Variants in FRAS1 observed in about 807,000 individuals in gnomAD.
FRAS1 encodes Fraser extracellular matrix complex subunit 1, also known as extracellular matrix organizing protein FRAS1.
A neutral mutation model predicts 435.2 loss-of-function variants in FRAS1; 290 were observed. The ratio of observed to expected loss-of-function variants is 0.67; its 90% CI spans 0.61 to 0.73. The LOEUF (loss-of-function observed/expected upper bound fraction) is 0.73, where lower values mean the gene tolerates loss of function less well. Among genes scored for constraint, FRAS1 ranks in the 30% least tolerant of loss-of-function variants. FRAS1 has a pLI of 0.00. For synonymous variants in FRAS1, 1,800 were observed against 1,851.0 expected, an observed-to-expected ratio of 0.97 and a Z score of 0.71; for missense variants, 4,860 against 5,001.5, an observed-to-expected ratio of 0.97 and a Z score of 0.85.
chr4:78,210,927 T>A (rs886482755), intron 2 of FRAS1, among the ~76,000 whole-genome samples: 1 of 152,208 alleles, frequency 6.6e-6, no homozygotes. Context: ...GGGCACCCCA[T>A]GTCCGCACCC....
chr4:78,213,089 C>T (rs2110087024), intron 2 of FRAS1, among the ~76,000 whole-genome samples: 1 of 152,330 alleles, frequency 6.6e-6, no homozygotes, highest in African/African-American at 2.4e-5. Context: ...CAGACCCCTT[C>T]AGCCAAGAGC....
At chr4:78,144,196 T>C (rs1231824029) in intron 2 of FRAS1, among the ~76,000 whole-genome samples, 1 of 151,594 alleles carries the variant, frequency 6.6e-6, no homozygotes, top group Non-Finnish European at 1.5e-5. Flanking sequence ...AAAAGAATGA[T>C]AAATGCAACT....
At chr4:78,387,340 C>T (rs747472640) in intron 28 of FRAS1, 35 bp from the exon 29 acceptor site, 4 of 1,504,358 alleles carry the variant, frequency 2.7e-6, no homozygotes, top group Non-Finnish European at 3.6e-6. Flanking sequence ...CTTTCTTTCC[C>T]TCTTAACTGA....
intron 2 of FRAS1, among the ~76,000 whole-genome samples, chr4:78,090,368 T>C (rs1464323668): frequency 6.6e-6 from 1 of 152,182 alleles, no homozygotes; most frequent in Non-Finnish European, 1.5e-5. Flanking sequence ...TGAGAGCCAG[T>C]TGAGTATTCA....
At chr4:78,286,884 GT>G (rs1727633190) in intron 14 of FRAS1, among the ~76,000 whole-genome samples, 1 of 151,906 alleles carries the variant, frequency 6.6e-6, no homozygotes, top group Admixed American at 6.6e-5. Flanking sequence ...TAATTTGTTT[GT>G]TTATACTTGG....
chr4:78,221,707 T>C (rs538110539), intron 2 of FRAS1, among the ~76,000 whole-genome samples: 17 of 152,208 alleles, frequency 1.1e-4, no homozygotes, highest in Non-Finnish European at 1.8e-4. Context: ...ACAGTGTGAT[T>C]CAGGGACATA....
intron 2 of FRAS1, among the ~76,000 whole-genome samples, chr4:78,185,829 ACT>A (rs1328908912): frequency 6.6e-6 from 1 of 151,870 alleles, no homozygotes; most frequent in African/African-American, 2.4e-5. Context: ...TTGTTCTCAG[ACT>A]CTCTTGTCCT....
At chr4:78,272,198 A>C (rs1259114449) in intron 9 of FRAS1, among the ~76,000 whole-genome samples, 1 of 152,066 alleles carries the variant, frequency 6.6e-6, no homozygotes, top group Admixed American at 6.6e-5. Flanking sequence ...TTCTATGTAG[A>C]TTCTGGATAT....
chr4:78,513,927 A>G (rs963874639), intron 65 of FRAS1, among the ~76,000 whole-genome samples: 1 of 152,224 alleles, frequency 6.6e-6, no homozygotes, highest in East Asian at 1.9e-4. Context: ...TAGAGTGAGC[A>G]TGTTTACATT....
At chr4:78,061,887 T>C (rs1295828075) in intron 1 of FRAS1, among the ~76,000 whole-genome samples, 3 of 152,200 alleles carry the variant, frequency 2.0e-5, no homozygotes, top group African/African-American at 2.4e-5. Flanking sequence ...TGGGAACATT[T>C]GGTCCTTGGT....
At chr4:78,454,504 G>A (rs748332430) in intron 47 of FRAS1, among the ~76,000 whole-genome samples, 21 of 152,186 alleles carry the variant, frequency 1.4e-4, no homozygotes, top group African/African-American at 4.8e-4. Context: ...CTTTTTGTCC[G>A]TAAGTTCCTG....
At chr4:78,440,068 G>C (rs1034212465) in intron 40 of FRAS1, among the ~76,000 whole-genome samples, 1 of 139,684 alleles carries the variant, frequency 7.2e-6, no homozygotes, top group African/African-American at 2.7e-5. Flanking sequence ...CTGTCGCCCA[G>C]GCGGGACTGC....
At chr4:78,475,344 G>T in intron 53 of FRAS1, 94 bp from the exon 54 acceptor site, 1 of 1,402,056 alleles carries the variant, frequency 7.1e-7, no homozygotes, top group Non-Finnish European at 1.0e-6. Flanking sequence ...ACTACCTAAT[G>T]CCAAGAACCA....
In FRAS1 at chr4:78,057,906, A is replaced by G; in HGVS notation, c.-104A>G. ...CGGAGGTAAAGGCCCGCGGTCCCCC[A>G]CCTTCAGTGCGCCCGGGTTCCAAGC... On this transcript the variant is annotated 5_prime_UTR_variant, in exon 1 of 74. Transcript: ENST00000512123. This position sits in a 1 kb window ranked among gnomAD's most constrained non-coding sequence, Gnocchi z 4.2. 9.6e-7 allele frequency: 1 copy of G among 1,046,360 alleles called. No individual in the cohort carries two copies. The highest frequency in any genetic ancestry group is 1.5e-6 in the Non-Finnish European group (1 of 684,430). The allele number at this position is 1,046,360 out of a possible 1,614,324, so 64.8% of individuals were successfully genotyped here.
chr4:78,302,990 G>A (rs201454765), intron 14 of FRAS1, among the ~76,000 whole-genome samples: 7,683 of 152,092 alleles, frequency 0.051, 388 homozygotes, highest in East Asian at 0.3. Context: ...TATGGTTTTA[G>A]GACTAACGTT....
chr4:78,136,808 A>C (rs954202660), intron 2 of FRAS1, among the ~76,000 whole-genome samples: 1 of 152,218 alleles, frequency 6.6e-6, no homozygotes, highest in Non-Finnish European at 1.5e-5. Context: ...ACTGAAGCAC[A>C]GTGGAGATGA....
intron 6 of FRAS1, among the ~76,000 whole-genome samples, chr4:78,260,875 A>T (rs1033356556): frequency 2.0e-5 from 3 of 152,176 alleles, no homozygotes; most frequent in Non-Finnish European, 2.9e-5. Flanking sequence ...GTCTTTCAGA[A>T]TATTTCTAGG....
rs571853993 is a variant in FRAS1 at position 78,512,931 on chromosome 4, T to A, written c.10014-461T>A. 3.3e-5 allele frequency among the ~76,000 whole-genome samples: 5 copies of A among 152,238 alleles called. No homozygotes were observed. The South Asian group carries it at 1.0e-3, about 32-fold the overall frequency. On this transcript the variant is annotated intron_variant, in intron 64 of 73. Transcript: ENST00000512123. ...CTGGGTAGAGGAATTGGTTTTAGAG[T>A]TTAAAAGCTCAACGATATATTTTTG...
intron 2 of FRAS1, among the ~76,000 whole-genome samples, chr4:78,199,994 G>A (rs1308696299): frequency 2.0e-5 from 3 of 152,136 alleles, no homozygotes; most frequent in Non-Finnish European, 2.9e-5. Context: ...GATATGATAA[G>A]GATAGGCAAA....
Sources: allele counts gnomAD v4.1 joint callset (sites outside exome capture counted in the v4.1 genomes callset), GRCh38; gene constraint gnomAD v4.1.1; non-coding constraint Gnocchi (gnomAD v3.1); transcripts MANE v1.5; gene names NCBI Gene and HGNC (gene_info 2026-07-23, HGNC 2026-07-21).